Variants in PRR14L observed in about 807,000 individuals in gnomAD.
PRR14L encodes proline rich 14 like, also known as protein PRR14L.
A neutral mutation model predicts 155.0 loss-of-function variants in PRR14L; 80 were observed. That is an observed-to-expected ratio of 0.52 (90% CI 0.43 to 0.62). The LOEUF is 0.62. PRR14L is among the 20% of genes least tolerant of loss of function. PRR14L has a pLI of 0.00. For missense variants in PRR14L, 2,469 were observed against 2,548.0 expected, an observed-to-expected ratio of 0.97 and a Z score of 0.67; for synonymous variants, 883 against 916.0, an observed-to-expected ratio of 0.96 and a Z score of 0.65.
Position 31,715,686 on chromosome 22 carries a change from G to A in PRR14L, c.2153C>T (p.Pro718Leu), listed in dbSNP as rs759186880. The change falls in exon 4 of 9, where the codon CCA becomes CTA. Residue 718 changes from proline to leucine, a missense_variant. By Grantham distance (98) the Pro-to-Leu change is moderately conservative (BLOSUM62 -3). Transcript: ENST00000327423. ...PIQTKIKDIS[P>L]PGNQTCGASS... ...GGCACCACAGGTTTGGTTACCTGGT[G>A]GAGAGATGTCTTTTATTTTTGTCTG... 1 of 1,552,246 alleles carries A rather than the reference G, an allele frequency of 6.4e-7. No homozygotes were observed. The highest frequency in any genetic ancestry group is 8.7e-7 in the Non-Finnish European group (1 of 1,147,082).
intron 1 of PRR14L, among the ~76,000 whole-genome samples, chr22:31,747,185 A>C (rs2074843320): frequency 6.7e-6 from 1 of 149,444 alleles, no homozygotes; most frequent in Admixed American, 6.8e-5. Context: ...ATCTCGGCTC[A>C]CCGCAACCTC....
chr22:31,708,871 G>C (rs1363301400), intron 4 of PRR14L, among the ~76,000 whole-genome samples: 1 of 152,022 alleles, frequency 6.6e-6, no homozygotes, highest in Non-Finnish European at 1.5e-5. Flanking sequence ...TTGTTGCCTA[G>C]GCTGGAGTGC....
chr22:31,736,513 A>G (rs1365503748), intron 2 of PRR14L, among the ~76,000 whole-genome samples: 2 of 152,152 alleles, frequency 1.3e-5, no homozygotes, highest in Non-Finnish European at 2.9e-5. Context: ...ACTGCCCTTT[A>G]TCCTGTGTAA....
chr22:31,701,143 C>T (rs148534645), intron 7 of PRR14L, among the ~76,000 whole-genome samples: 5,381 of 152,054 alleles, frequency 0.035, 116 homozygotes, highest in South Asian at 0.066. Context: ...CATGCGCCAC[C>T]AAGCCCGGCT....
chr22:31,730,351 C>G (rs1448657702), intron 2 of PRR14L, among the ~76,000 whole-genome samples: 1 of 152,058 alleles, frequency 6.6e-6, no homozygotes, highest in African/African-American at 2.4e-5. Context: ...AGCAGAAAAA[C>G]TGTTTGAACC....
At chr22:31,706,276 C>A (rs1314755361) in intron 4 of PRR14L, among the ~76,000 whole-genome samples, 1 of 143,246 alleles carries the variant, frequency 7.0e-6, no homozygotes, top group Non-Finnish European at 1.5e-5. Flanking sequence ...GGCAGGAGAA[C>A]TGCTTGAACC....
chr22:31,738,803 C>A lies in PRR14L; in HGVS notation c.58G>T (p.Val20Leu), dbSNP rs779653532. 1.3e-6 allele frequency: 2 copies of A among 1,550,298 alleles called. No homozygotes were observed. Among genetic ancestry groups the A allele is most frequent in the South Asian group, 1.2e-5 (1 of 84,044 alleles). Residue 20 changes from valine to leucine, a missense_variant, in exon 2 of 9, where the codon GTG (valine) becomes TTG (leucine). Transcript: ENST00000327423. The part of the protein sequence containing the change: ...PVPLDSSMSA[V>L]VQELYSELPV... ...AGTTCAGAGTATAATTCCTGTACCA[C>A]GGCAGACATGGAGGAATCAAGTGGA...
chr22:31,718,399 A>G (rs190314854), intron 3 of PRR14L, among the ~76,000 whole-genome samples: 199 of 151,764 alleles, frequency 1.3e-3, no homozygotes, highest in African/African-American at 4.6e-3. Flanking sequence ...GGGACTACAG[A>G]CGCCCACCAC....
At chr22:31,743,355 G>A (rs192664714) in intron 1 of PRR14L, among the ~76,000 whole-genome samples, 1 of 152,080 alleles carries the variant, frequency 6.6e-6, no homozygotes, top group African/African-American at 2.4e-5. Flanking sequence ...GAGGGACACA[G>A]AGTTTCTTTC....
chr22:31,715,011 T>C lies in PRR14L; in HGVS notation c.2828A>G (p.Asp943Gly), dbSNP rs886163621. The change falls in exon 4 of 9, where the codon GAC (aspartate) becomes GGC (glycine). Residue 943 changes from aspartate (D) to glycine (G), a missense_variant. Asp to Gly is a moderately conservative substitution (Grantham distance 94). Coordinates refer to ENST00000327423, the MANE Select transcript of PRR14L (RefSeq NM_173566.3). ...VNIPGPEKVL[D>G]QSPTVMFSSF... ...GGAGAACATAACAGTAGGAGACTGG[T>C]CCAACACTTTTTCAGGACCTGGAAT... is the stretch of plus-strand genomic sequence containing the variant. The C allele has an allele frequency of 6.4e-7, 1 of 1,552,118 alleles. No individual in the cohort carries two copies. Among genetic ancestry groups the C allele is most frequent in the Non-Finnish European group, 8.7e-7 (1 of 1,147,056 alleles).
chr22:31,728,016 A>T (rs948217309), intron 2 of PRR14L, among the ~76,000 whole-genome samples: 4 of 151,632 alleles, frequency 2.6e-5, no homozygotes, highest in Non-Finnish European at 5.9e-5. Flanking sequence ...GAATCAATCG[A>T]CAATAAAAGA....
chr22:31,710,718 C>G (rs903097218), intron 4 of PRR14L, among the ~76,000 whole-genome samples: 1 of 152,066 alleles, frequency 6.6e-6, no homozygotes, highest in Non-Finnish European at 1.5e-5. Context: ...CCTCCCAAAG[C>G]GCTGGGATTA....
chr22:31,706,964 G>A (rs759698366), intron 4 of PRR14L, among the ~76,000 whole-genome samples: 2 of 151,872 alleles, frequency 1.3e-5, no homozygotes, highest in African/African-American at 2.4e-5. Context: ...CAGGAGAATC[G>A]CTTGAACCCG....
At chr22:31,702,751 G>A (rs191874674) in intron 6 of PRR14L, among the ~76,000 whole-genome samples, 1 of 152,072 alleles carries the variant, frequency 6.6e-6, no homozygotes, top group Admixed American at 6.6e-5. Context: ...CCTGACCCCG[G>A]GTGATCCGCC....
chr22:31,714,177 G>A lies in PRR14L; in HGVS notation c.3662C>T (p.Ser1221Leu), dbSNP rs140078. 0.24 allele frequency: 364,442 copies of A among 1,550,752 alleles called. 47,116 individuals are homozygous for A. The highest frequency in any genetic ancestry group is 0.52 in the African/African-American group (38,337 of 73,038). The change falls in exon 4 of 9, where the codon TCG (serine) becomes TTG (leucine). Residue 1221 changes from serine to leucine, a missense_variant. By Grantham distance (145) the Ser-to-Leu change is moderately radical. Transcript: ENST00000327423. Reference sequence around the variant, plus strand: ...AGAGCTTTCATCATGGCAAGACATCGACTCTTTTGAGGAAATTCCAAAGGT... The same window carrying A: ...AGAGCTTTCATCATGGCAAGACATCAACTCTTTTGAGGAAATTCCAAAGGT... The part of the protein sequence containing the change: ...ESTFGISSKE[S>L]MSCHDESSVS...
intron 4 of PRR14L, among the ~76,000 whole-genome samples, chr22:31,708,587 A>G (rs1189517589): frequency 2.0e-5 from 3 of 151,996 alleles, no homozygotes; most frequent in Non-Finnish European, 4.4e-5. Context: ...TTGGCCTCCC[A>G]AAGCGCTGGG....
At chr22:31,719,728 GCTCTGTGACA>G (rs1232540983) in intron 3 of PRR14L, among the ~76,000 whole-genome samples, 2 of 151,392 alleles carry the variant, frequency 1.3e-5, no homozygotes, top group Non-Finnish European at 2.9e-5. Context: ...TTCAATCATG[GCTCTGTGACA>G]CTTTTTTTTT....
In PRR14L at chr22:31,738,589, C is replaced by T. The variant is rs902747453; in HGVS notation, c.272G>A (p.Arg91Gln). Residue 91 changes from arginine (R) to glutamine (Q), a missense_variant, in exon 2 of 9, where the codon CGA becomes CAA. Physicochemically the swap from Arg to Gln is conservative, Grantham distance 43. Coordinates refer to ENST00000327423, the MANE Select transcript of PRR14L (RefSeq NM_173566.3). ...TGCTGTGGAGTCCACTAGCCCACAT[C>T]GCCCAGGCTCACTCCCATGATCCAA... is the stretch of plus-strand genomic sequence containing the variant. ...ETLDHGSEPG[R>Q]CGLVDSTAGG... is the part of the protein sequence containing the mutation. 62 of 1,551,924 alleles carry T rather than the reference C, an allele frequency of 4.0e-5. No individual in the cohort carries two copies. The Admixed American group carries it at 9.2e-4, about 23-fold the overall frequency.
At chr22:31,720,417 C>T (rs902004459) in intron 3 of PRR14L, among the ~76,000 whole-genome samples, 3 of 152,130 alleles carry the variant, frequency 2.0e-5, no homozygotes, top group South Asian at 2.1e-4. Flanking sequence ...TTACAGCAGA[C>T]GGTGCTACCC....
Sources: gnomAD v4.1 joint callset for allele counts (sites outside exome capture counted in the v4.1 genomes callset) on GRCh38, gnomAD v4.1.1 for gene constraint, MANE v1.5 for transcripts, NCBI Gene and HGNC (gene_info 2026-07-23, HGNC 2026-07-21) for gene names.